Variants in SLCO1A2 observed in about 807,000 individuals in gnomAD.
The protein encoded by SLCO1A2 is OATP-1.
SLCO1A2 carries 67 observed loss-of-function variants against 69.0 expected under a neutral mutation model. The observed-to-expected ratio is 0.97, with a 90% CI of 0.80 to 1.19. The LOEUF is 1.19. SLCO1A2 is among the 50% of genes most tolerant of loss of function. SLCO1A2 has a pLI of 0.00. For synonymous variants in SLCO1A2, 260 were observed against 265.9 expected, an observed-to-expected ratio of 0.98 and a Z score of 0.22; for missense variants, 787 against 793.7, an observed-to-expected ratio of 0.99 and a Z score of 0.10.
intron 10 of SLCO1A2, 179 bp downstream of exon 10, chr12:21,295,418 A>G: frequency 1.1e-5 from 6 of 561,364 alleles, no homozygotes; most frequent in Non-Finnish European, 1.9e-5. Context: ...AACCTCATTA[A>G]TAAGCCTAGA....
In SLCO1A2 at chr12:21,322,207, G is replaced by T. The variant is rs75642294; in HGVS notation, c.61-3284C>A. Among the ~76,000 whole-genome samples the T allele has an allele frequency of 4.2e-3, 640 of 152,280 alleles. 8 individuals are homozygous for T. Among genetic ancestry groups the T allele is most frequent in the African/African-American group, 0.015 (616 of 41,554 alleles). ...GTAATTCTCATAGTTCCAAAGACTG[G>T]AAAGTCCAAGAGCAAGGCACTAACA... On this transcript the variant is annotated intron_variant, in intron 2 of 14. Coordinates refer to ENST00000683939, the MANE Select transcript of SLCO1A2 (RefSeq NM_001386879.1).
At chr12:21,356,093 T>C (rs927225242) in intron 2 of SLCO1A2, among the ~76,000 whole-genome samples, 4 of 152,036 alleles carry the variant, frequency 2.6e-5, no homozygotes, top group Non-Finnish European at 5.9e-5. Context: ...AATTCAAGAA[T>C]CAGAATAAAT....
At chr12:21,323,970 C>T (rs1013339526) in intron 2 of SLCO1A2, among the ~76,000 whole-genome samples, 5 of 152,102 alleles carry the variant, frequency 3.3e-5, no homozygotes, top group South Asian at 2.1e-4. Context: ...AAAAACAGAT[C>T]GGGCTCAGTG....
chr12:21,319,071 C>T (rs2136777745), intron 2 of SLCO1A2, 148 bp from the exon 3 acceptor site: 3 of 705,640 alleles, frequency 4.3e-6, no homozygotes, highest in East Asian at 2.7e-5. Context: ...GTGTAGTCTG[C>T]TCCTTTTGTC....
At chr12:21,318,687 A>G in intron 3 of SLCO1A2, 95 bp downstream of exon 3, 2 of 1,052,060 alleles carry the variant, frequency 1.9e-6, no homozygotes, top group Non-Finnish European at 2.7e-6. Context: ...GTCAGATTAA[A>G]TGACCTAAAA....
intron 1 of SLCO1A2, among the ~76,000 whole-genome samples, chr12:21,402,470 C>G (rs1483011980): frequency 6.6e-6 from 1 of 151,974 alleles, no homozygotes; most frequent in African/African-American, 2.4e-5. Context: ...TAGCACAATA[C>G]CCTTATTTTT....
At position 21,285,926 on chromosome 12, in the gene SLCO1A2, G is replaced by A. The variant is rs1467581162; in HGVS notation, c.1610+6238C>T. Reference sequence around the variant, plus strand: ...CATACTGAATGGGCAAAAACTGGAAGCATTCCCTTTGAAAACTGGCACAAG... The same window carrying A: ...CATACTGAATGGGCAAAAACTGGAAACATTCCCTTTGAAAACTGGCACAAG... On this transcript the variant is annotated intron_variant, in intron 12 of 14. Transcript: ENST00000683939. 2.0e-5 allele frequency among the ~76,000 whole-genome samples: 3 copies of A among 151,550 alleles called. No individual in the cohort carries two copies. In the East Asian group the frequency reaches 5.8e-4, roughly 29 times the overall value.
chr12:21,276,159 AC>A (rs930158338), intron 12 of SLCO1A2, among the ~76,000 whole-genome samples: 2 of 152,174 alleles, frequency 1.3e-5, no homozygotes, highest in Non-Finnish European at 2.9e-5. Flanking sequence ...AAGTGAAAAG[AC>A]AAAACTTGTC....
At chr12:21,353,922 C>G (rs1454408295) in intron 2 of SLCO1A2, among the ~76,000 whole-genome samples, 2 of 152,140 alleles carry the variant, frequency 1.3e-5, no homozygotes, top group Admixed American at 1.3e-4. Context: ...ATAACTCTCC[C>G]AGCAGTGTGG....
At chr12:21,304,244 A>G (rs573092436) in intron 6 of SLCO1A2, among the ~76,000 whole-genome samples, 183 bp downstream of exon 6, 2 of 152,280 alleles carry the variant, frequency 1.3e-5, no homozygotes, top group East Asian at 3.9e-4. Flanking sequence ...TTTATTAACC[A>G]AGTAGCTCAT....
chr12:21,294,269 A>G (rs548245744), intron 10 of SLCO1A2, 159 bp from the exon 11 acceptor site: 6 of 526,102 alleles, frequency 1.1e-5, no homozygotes, highest in African/African-American at 7.9e-5. Context: ...TAGCTTTGGT[A>G]TAAAAGAGAC....
chr12:21,417,390 T>A (rs982658102), intron 1 of SLCO1A2, among the ~76,000 whole-genome samples: 1 of 150,122 alleles, frequency 6.7e-6, no homozygotes, highest in Non-Finnish European at 1.5e-5. Context: ...AAGAAAGCTA[T>A]TTTTTTAAGT....
Position 21,374,819 on chromosome 12 carries a change from G to GTCTCTCTC in SLCO1A2, c.-189-302_-189-295dup, listed in dbSNP as rs71043266. ...TTTTTTTATTTTATTTTGAGACAGG[G>GTCTCTCTC]TCTCTCTCTCTCTCTCTCTCTGTCT... is the stretch of plus-strand genomic sequence containing the variant. On this transcript the variant is annotated intron_variant, in intron 1 of 15. Transcript: ENST00000307378. 4.3e-3 allele frequency among the ~76,000 whole-genome samples: 631 copies of GTCTCTCTC among 148,340 alleles called. 6 individuals carry two copies. Among genetic ancestry groups the GTCTCTCTC allele is most frequent in the African/African-American group, 0.012 (488 of 40,394 alleles).
At chr12:21,400,581 T>C (rs1941657016) in intron 1 of SLCO1A2, among the ~76,000 whole-genome samples, 1 of 152,028 alleles carries the variant, frequency 6.6e-6, no homozygotes, top group South Asian at 2.1e-4. Flanking sequence ...TGCACATGTA[T>C]GTTTATTGCG....
chr12:21,312,055 GAGA>G (rs761097781), intron 4 of SLCO1A2, among the ~76,000 whole-genome samples: 63 of 150,222 alleles, frequency 4.2e-4, no homozygotes, highest in African/African-American at 9.4e-4. Flanking sequence ...AGAAGAGGAG[GAGA>G]AGAAGAAGAG....
intron 6 of SLCO1A2, among the ~76,000 whole-genome samples, chr12:21,301,645 A>G (rs1432970523): frequency 6.6e-6 from 1 of 152,182 alleles, no homozygotes; most frequent in Non-Finnish European, 1.5e-5. Flanking sequence ...AAGCAATACC[A>G]TCTTATAGTG....
rs1269754037 is a variant in SLCO1A2 at position 21,267,964 on chromosome 12, G to C, written c.*1584C>G. On this transcript the variant is annotated 3_prime_UTR_variant, in exon 15 of 15. Transcript: ENST00000683939. ...TCTCTCTTGTTTCAAAGCCAGTCTT[G>C]GTTTGAACCTTGGTTATTTTTTATA... is the stretch of plus-strand genomic sequence containing the variant. 3 of 151,940 alleles carry C rather than the reference G, an allele frequency of 2.0e-5. No individual in the cohort carries two copies. The highest frequency in any genetic ancestry group is 7.3e-5 in the African/African-American group (3 of 41,370). 9.4% of individuals were successfully genotyped at this position (151,940 alleles called of 1,614,324 possible). A position where few individuals can be genotyped will look rare whatever the true frequency, so the allele number is the denominator to read the frequency against.
intron 2 of SLCO1A2, chr12:21,373,513 A>C (rs1939954779): frequency 2.2e-6 from 2 of 921,768 alleles, no homozygotes; most frequent in Non-Finnish European, 1.8e-6. Context: ...AAATAACTAC[A>C]GCCTTAGATT....
At chr12:21,327,279 C>A (rs1256620937) in intron 2 of SLCO1A2, among the ~76,000 whole-genome samples, 1 of 152,176 alleles carries the variant, frequency 6.6e-6, no homozygotes, top group African/African-American at 2.4e-5. Flanking sequence ...AGGTATGCTG[C>A]AGAGGCAGGA....
Sources: gnomAD v4.1 joint callset for allele counts (sites outside exome capture counted in the v4.1 genomes callset) on GRCh38, gnomAD v4.1.1 for gene constraint, MANE v1.5 for transcripts, NCBI Gene and HGNC (gene_info 2026-07-23, HGNC 2026-07-21) for gene names.